MATK: variants seen among roughly 807,000 people sequenced by gnomAD.
MATK encodes the protein megakaryocyte-associated tyrosine kinase.
A neutral mutation model predicts 59.8 loss-of-function variants in MATK; 41 were observed. The ratio of observed to expected loss-of-function variants is 0.69; its 90% CI spans 0.53 to 0.89. MATK has a LOEUF of 0.89. Among genes scored for constraint, MATK ranks in the 40% least tolerant of loss-of-function variants. The pLI is 0.00. For synonymous variants in MATK, 308 were observed against 306.1 expected (o/e 1.01, Z -0.06); for missense variants, 593 against 719.6 (o/e 0.82, Z 2.01).
chr19:3,783,853 A>G lies in MATK; in HGVS notation c.543T>C (p.Asp181=), dbSNP rs985404288. ...TGAGGTTGCAGAAGAACACGGCCTC[A>G]TCGATTGTGAGGTGGCCGTCGCGGT... The part of the protein sequence containing the change: ...VLHRDGHLTI[D]EAVFFCNLMD... The change falls in exon 6 of 14, where the codon GAT becomes GAC. Residue 181 remains aspartate (D), a synonymous_variant. Transcript: ENST00000310132. The G allele has an allele frequency of 3.1e-6, 5 of 1,613,100 alleles. No homozygotes were observed. In the Admixed American group the frequency reaches 6.7e-5, roughly 22 times the overall value.
Position 3,783,173 on chromosome 19 carries a change from G to A in MATK, c.629C>T (p.Pro210Leu). 1 of 1,614,108 alleles carries A rather than the reference G, an allele frequency of 6.2e-7. No individual in the cohort carries two copies. The highest frequency in any genetic ancestry group is 8.5e-7 in the Non-Finnish European group (1 of 1,179,988). The change falls in exon 7 of 14, where the codon CCA becomes CTA. Residue 210 changes from proline (P) to leucine (L), a missense_variant. By Grantham distance (98) the Pro-to-Leu change is moderately conservative (BLOSUM62 -3). Transcript: ENST00000310132. ...KGAICTKLVR[P>L]KRKHGTKSAE... ...CGACTTGGTCCCGTGTTTCCGCTTT[G>A]GTCTCACCAGCTTGGTGCAGATAGC...
In MATK at chr19:3,784,131, G is replaced by C; in HGVS notation, c.355C>G (p.Leu119Val). ...CCTGTCCTGCCCACTCACGGCATGA[G>C]GCTGAGCTTGGGGTCTGCGGAGAGG... ...EALSADPKLS[L>V]MPWFHGKISG... The change falls in exon 5 of 14, where the codon CTC becomes GTC. Residue 119 changes from leucine to valine, a missense_variant. Transcript: ENST00000310132. The C allele has an allele frequency of 6.2e-7, 1 of 1,609,648 alleles. No homozygotes were observed. The highest frequency in any genetic ancestry group is 8.5e-7 in the Non-Finnish European group (1 of 1,177,434).
intron 8 of MATK, 26 bp downstream of exon 8, chr19:3,781,581 C>T (rs778537725): frequency 9.3e-6 from 15 of 1,613,252 alleles, no homozygotes; most frequent in Non-Finnish European, 1.2e-5. Context: ...CTTCCTTCAG[C>T]ACCCCCAACC....
At chr19:3,780,879 G>C (rs907889884) in intron 8 of MATK, among the ~76,000 whole-genome samples, 2 of 151,996 alleles carry the variant, frequency 1.3e-5, no homozygotes, top group Admixed American at 6.6e-5. Flanking sequence ...GGGACTACAG[G>C]CATGCTCCAC....
upstream of MATK, among the ~76,000 whole-genome samples, chr19:3,788,527 G>A (rs957367770): frequency 6.8e-6 from 1 of 147,312 alleles, no homozygotes; most frequent in Non-Finnish European, 1.5e-5. Context: ...GGCCAAGGTA[G>A]AGAATTGCTT....
intron 1 of MATK, among the ~76,000 whole-genome samples, chr19:3,794,663 A>G (rs145141025): frequency 8.5e-5 from 13 of 152,248 alleles, no homozygotes; most frequent in African/African-American, 2.9e-4. Context: ...TCAAAAAAAG[A>G]AAAGAAAAGA....
At chr19:3,782,568 G>C (rs546150575) in intron 7 of MATK, among the ~76,000 whole-genome samples, 1 of 152,258 alleles carries the variant, frequency 6.6e-6, no homozygotes, top group South Asian at 2.1e-4. Flanking sequence ...TGACCTGGGA[G>C]GGGGTGGATG....
intron 1 of MATK, among the ~76,000 whole-genome samples, chr19:3,800,710 T>C (rs892940845): frequency 6.6e-6 from 1 of 152,152 alleles, no homozygotes; most frequent in Non-Finnish European, 1.5e-5. Flanking sequence ...GATAATTTTG[T>C]GGTTGTTTTG....
rs2037363233 is a variant in MATK at position 3,779,290 on chromosome 19, T to C, written c.1001+88A>G. On this transcript the variant is annotated intron_variant, in intron 11 of 13. Coordinates refer to ENST00000310132, the MANE Select transcript of MATK (RefSeq NM_139355.3). ...GGGCCACAAGCTCACAAAGCCTCCC[T>C]GCCCCGTGCCTCAGTTTCCCCTTGA... The C allele has an allele frequency of 5.1e-6, 8 of 1,570,032 alleles. No individual in the cohort carries two copies. In the Admixed American group the frequency reaches 1.3e-4, roughly 26 times the overall value.
rs756357072 is a variant in MATK, at chr19:3,784,364, C to G, written c.220G>C (p.Val74Leu). ...TCGCAGGCCTCCAGGATGGTGACCA[C>G]GTCGCCCTTGCGGAAGGCCAGCTCC... ...PGELAFRKGD[V>L]VTILEACENK... Residue 74 changes from valine to leucine, a missense_variant, in exon 4 of 14, where the codon GTG becomes CTG. Transcript: ENST00000310132. 1 of 1,607,848 alleles carries G rather than the reference C, an allele frequency of 6.2e-7. No homozygotes were observed. Among genetic ancestry groups the G allele is most frequent in the Admixed American group, 1.7e-5 (1 of 59,410 alleles).
intron 3 of MATK, 118 bp downstream of exon 3, chr19:3,784,707 G>A (rs1018288261): frequency 4.3e-5 from 33 of 771,872 alleles, no homozygotes; most frequent in South Asian, 3.4e-4. Context: ...AGGCCAGGCC[G>A]AGGCCAGCAG....
chr19:3,779,365 G>A lies in MATK; in HGVS notation c.1001+13C>T, dbSNP rs1415050339. On this transcript the variant is annotated intron_variant, in intron 11 of 13. Transcript: ENST00000310132. Reference sequence around the variant, plus strand: ...CGACCCCAGTGCCGCAGCACCCTGAGAGTCCCACTTACAGAGAAAACTGCA... The same window carrying A: ...CGACCCCAGTGCCGCAGCACCCTGAAAGTCCCACTTACAGAGAAAACTGCA... 1.2e-6 allele frequency: 2 copies of A among 1,612,728 alleles called. No individual in the cohort carries two copies. Among genetic ancestry groups the A allele is most frequent in the African/African-American group, 1.3e-5 (1 of 74,940 alleles).
intron 1 of MATK, among the ~76,000 whole-genome samples, chr19:3,794,189 C>T (rs1414918046): frequency 6.6e-6 from 1 of 152,184 alleles, no homozygotes; most frequent in Non-Finnish European, 1.5e-5. Context: ...AGCCGGAATC[C>T]CCACCTGTTA....
At chr19:3,782,769 T>G in intron 7 of MATK, 2 of 295,786 alleles carry the variant, frequency 6.8e-6, no homozygotes, top group African/African-American at 2.2e-5. Flanking sequence ...GGCGGTCTGA[T>G]GGGAGGGCCT....
At position 3,786,119 on chromosome 19, in the gene MATK, C is replaced by T; in HGVS notation, c.-152+50G>A. 1.2e-6 allele frequency: 1 copy of T among 859,464 alleles called. No homozygotes were observed. Among genetic ancestry groups the T allele is most frequent in the Non-Finnish European group, 1.4e-6 (1 of 714,788 alleles). The allele number at this position is 859,464 out of a possible 1,614,324, so 53.2% of individuals were successfully genotyped here. On this transcript the variant is annotated intron_variant, in intron 1 of 13. Transcript: ENST00000310132. This position sits in a 1 kb window ranked among gnomAD's most constrained non-coding sequence, Gnocchi z 4.1. The stretch of plus-strand genomic sequence containing the variant: ...CCCGCCTAGAGCCCTCGGGGTTTCC[C>T]CCCACCCCGGCCTCGGGGTCTCTCC...
chr19:3,791,348 C>T (rs549943746), upstream of MATK, among the ~76,000 whole-genome samples: 14 of 151,622 alleles, frequency 9.2e-5, 1 homozygote, highest in African/African-American at 1.7e-4. Flanking sequence ...CCACCTCCCC[C>T]CACTTTTTTT....
chr19:3,787,995 T>G (rs1244807286), upstream of MATK, among the ~76,000 whole-genome samples: 1 of 151,080 alleles, frequency 6.6e-6, no homozygotes, highest in Non-Finnish European at 1.5e-5. Flanking sequence ...ATGCCTGGGC[T>G]CAAGCGAACC....
intron 1 of MATK, among the ~76,000 whole-genome samples, chr19:3,797,906 G>A (rs1177599727): frequency 6.6e-6 from 1 of 152,216 alleles, no homozygotes; most frequent in East Asian, 1.9e-4. Flanking sequence ...GCCGGGCATG[G>A]TGGCTCATGC....
At position 3,783,160 on chromosome 19, in the gene MATK, G is replaced by T. The variant is rs188979667; in HGVS notation, c.642C>A (p.His214Gln). 8 of 1,614,096 alleles carry T rather than the reference G, an allele frequency of 5.0e-6. No individual in the cohort carries two copies. The highest frequency in any genetic ancestry group is 6.8e-6 in the Non-Finnish European group (8 of 1,179,994). The change falls in exon 7 of 14, where the codon CAC (histidine) becomes CAA (glutamine). Residue 214 changes from histidine (H) to glutamine (Q), a missense_variant. Physicochemically the swap from His to Gln is conservative, Grantham distance 24. Coordinates refer to ENST00000310132, the MANE Select transcript of MATK (RefSeq NM_139355.3). ...GCTCCTCCTCGGCCGACTTGGTCCC[G>T]TGTTTCCGCTTTGGTCTCACCAGCT... is the stretch of plus-strand genomic sequence containing the variant. ...CTKLVRPKRK[H>Q]GTKSAEEELA...
Sources: gnomAD v4.1 joint callset for allele counts (sites outside exome capture counted in the v4.1 genomes callset) on GRCh38, gnomAD v4.1.1 for gene constraint, Gnocchi (gnomAD v3.1) non-coding constraint, MANE v1.5 for transcripts, NCBI Gene and HGNC (gene_info 2026-07-23, HGNC 2026-07-21) for gene names.